The following MBOAT2 variants were observed in gnomAD, a reference collection of about 807,000 sequenced individuals.
MBOAT2 encodes the protein membrane bound glycerophospholipid O-acyltransferase 2, also known as membrane-bound glycerophospholipid O-acyltransferase 2.
A neutral mutation model predicts 63.4 loss-of-function variants in MBOAT2; 28 were observed. That is an observed-to-expected ratio of 0.44 (90% CI 0.33 to 0.61). MBOAT2 has a LOEUF of 0.61. Ranked by LOEUF, MBOAT2 falls within the 20% of genes least tolerant of loss-of-function variation. The pLI, the probability that MBOAT2 is intolerant of heterozygous loss-of-function variation, is 0.03. For synonymous variants in MBOAT2, 211 were observed against 215.6 expected (o/e 0.98, Z 0.19); for missense variants, 470 against 605.8 (o/e 0.78, Z 2.35).
At chr2:8,942,252 A>G (rs774133964) in intron 3 of MBOAT2, among the ~76,000 whole-genome samples, 5 of 152,212 alleles carry the variant, frequency 3.3e-5, no homozygotes, top group Non-Finnish European at 7.4e-5. Context: ...GACTTAGAAA[A>G]AAACTAATAA....
intron 4 of MBOAT2, among the ~76,000 whole-genome samples, chr2:8,893,346 T>G (rs1664159241): frequency 1.3e-5 from 2 of 152,176 alleles, no homozygotes. Context: ...CAAGAGGCCC[T>G]AGACAGCAGG....
At chr2:8,961,152 A>G (rs1669576547) in intron 1 of MBOAT2, among the ~76,000 whole-genome samples, 1 of 152,232 alleles carries the variant, frequency 6.6e-6, no homozygotes, top group Admixed American at 6.5e-5. Flanking sequence ...CACTCAATAG[A>G]AAACTGGGCA....
intron 3 of MBOAT2, among the ~76,000 whole-genome samples, chr2:8,909,142 C>T (rs774001790): frequency 3.9e-5 from 6 of 152,180 alleles, no homozygotes; most frequent in Non-Finnish European, 8.8e-5. Context: ...AGCATACCTT[C>T]TAAGTATGAG....
intron 1 of MBOAT2, among the ~76,000 whole-genome samples, chr2:8,992,893 C>T (rs942632929): frequency 1.3e-5 from 2 of 152,192 alleles, no homozygotes; most frequent in African/African-American, 4.8e-5. Context: ...TTCCTTTGAG[C>T]TGCTCTGGGA....
At chr2:8,905,875 A>C (rs996725884) in intron 4 of MBOAT2, among the ~76,000 whole-genome samples, 29 of 152,260 alleles carry the variant, frequency 1.9e-4, no homozygotes, top group African/African-American at 5.1e-4. Flanking sequence ...CAGGTTTTCT[A>C]TCTTTAAAAG....
chr2:8,981,385 T>C (rs1433454159), intron 1 of MBOAT2, among the ~76,000 whole-genome samples: 1 of 152,188 alleles, frequency 6.6e-6, no homozygotes, highest in Non-Finnish European at 1.5e-5. Context: ...ACATAATAAT[T>C]ATAGCTTTCA....
chr2:8,926,710 T>G (rs1035654935), intron 3 of MBOAT2, among the ~76,000 whole-genome samples: 4 of 152,054 alleles, frequency 2.6e-5, no homozygotes, highest in Non-Finnish European at 5.9e-5. Flanking sequence ...AGAGGCATGG[T>G]CAGACAGATA....
intron 10 of MBOAT2, among the ~76,000 whole-genome samples, chr2:8,863,121 A>C (rs2148509391): frequency 6.6e-6 from 1 of 152,320 alleles, no homozygotes; most frequent in South Asian, 2.1e-4. Context: ...GACTGTGCTT[A>C]GTCTACAATT....
rs1572907068 is a variant in MBOAT2, at chr2:8,862,379, CGT to C, written c.1185+209_1185+210del. 1.4e-6 allele frequency: 2 copies of C among 1,426,506 alleles called. No homozygotes were observed. Among genetic ancestry groups the C allele is most frequent in the East Asian group, 5.4e-5 (2 of 37,322 alleles). The allele number at this position is 1,426,506 out of a possible 1,614,324, so 88.4% of individuals were successfully genotyped here. On this transcript the variant is annotated intron_variant, in intron 11 of 12. Transcript: ENST00000305997. The surrounding 1 kb of genome is among the most constrained non-coding windows in gnomAD (Gnocchi z 4.3). The stretch of plus-strand genomic sequence containing the variant: ...CTCCTACCTGCCGGGCACATAGAAA[CGT>C]GTTTTCTCCTCACAGGAACTGGGCA...
intron 3 of MBOAT2, among the ~76,000 whole-genome samples, chr2:8,940,696 G>GTA (rs1299382201): frequency 4.0e-5 from 6 of 151,840 alleles, no homozygotes; most frequent in Non-Finnish European, 7.4e-5. Context: ...GTGTGTGTGT[G>GTA]TATATATATA....
rs1661588326 is a variant in MBOAT2, at chr2:8,862,842, ACTTAT to A, written c.1053-125_1053-121del. On this transcript the variant is annotated intron_variant, in intron 10 of 12. Coordinates refer to ENST00000305997, the MANE Select transcript of MBOAT2 (RefSeq NM_138799.4). The surrounding 1 kb of genome is among the most constrained non-coding windows in gnomAD (Gnocchi z 4.3). ...TAGGGTAACTAGAAAAACAAATACAACTTATCTTAGGCAATCACTTCTCTATGATC... is the reference window on the plus strand; with the variant it reads ...TAGGGTAACTAGAAAAACAAATACAACTTAGGCAATCACTTCTCTATGATC... 8.1e-7 allele frequency: 1 copy of A among 1,232,220 alleles called. No individual in the cohort carries two copies. Among genetic ancestry groups the A allele is most frequent in the South Asian group, 1.6e-5 (1 of 61,536 alleles). 76.3% of individuals were successfully genotyped at this position (1,232,220 alleles called of 1,614,324 possible).
chr2:8,932,878 C>CT (rs1667421821), intron 3 of MBOAT2, among the ~76,000 whole-genome samples: 1 of 152,170 alleles, frequency 6.6e-6, no homozygotes, highest in Admixed American at 6.5e-5. Context: ...GACTACAGAA[C>CT]GTGCACATGT....
chr2:8,882,694 C>T lies in MBOAT2; in HGVS notation c.452-129G>A. 2.5e-6 allele frequency: 2 copies of T among 801,760 alleles called. 1 individual carries two copies. The highest frequency in any genetic ancestry group is 3.2e-5 in the South Asian group (2 of 61,970). The allele number at this position is 801,760 out of a possible 1,614,324, so 49.7% of individuals were successfully genotyped here. A position where few individuals can be genotyped will look rare whatever the true frequency, so the allele number is the denominator to read the frequency against. The stretch of plus-strand genomic sequence containing the variant: ...TATATTCCTAATTTTGATATAATGA[C>T]TGTTCCTTTCCTTCTCATGGCAACA... On this transcript the variant is annotated intron_variant, in intron 5 of 12. Transcript: ENST00000305997.
Position 8,970,027 on chromosome 2 carries a change from C to T in MBOAT2, c.76-11385G>A, listed in dbSNP as rs1670329612. Among the ~76,000 whole-genome samples, 3 of 152,208 alleles carry T rather than the reference C, an allele frequency of 2.0e-5. No homozygotes were observed. In the South Asian group the frequency reaches 6.2e-4, roughly 32 times the overall value. On this transcript the variant is annotated intron_variant, in intron 1 of 12. Transcript: ENST00000305997. ...CTCTGCACCAAGTGGACCTAATAGA[C>T]ATCTAACAGAACTCTCCACCCCAAA...
At chr2:8,875,775 G>A (rs1174596861) in intron 7 of MBOAT2, among the ~76,000 whole-genome samples, 3 of 152,196 alleles carry the variant, frequency 2.0e-5, no homozygotes, top group African/African-American at 7.2e-5. Context: ...AAAACAGTCA[G>A]TGAAGAGACA....
At chr2:8,991,413 A>C (rs768328537) in intron 1 of MBOAT2, among the ~76,000 whole-genome samples, 16 of 152,356 alleles carry the variant, frequency 1.1e-4, no homozygotes, top group Middle Eastern at 3.4e-3. Flanking sequence ...ATTAACTTTC[A>C]AGATTATTTC....
At position 8,885,445 on chromosome 2, in the gene MBOAT2, C is replaced by T. The variant is rs182304426; in HGVS notation, c.451+2573G>A. Among the ~76,000 whole-genome samples, 7 of 152,172 alleles carry T rather than the reference C, an allele frequency of 4.6e-5. No individual in the cohort carries two copies. In the East Asian group the frequency reaches 1.3e-3, roughly 29 times the overall value. On this transcript the variant is annotated intron_variant, in intron 5 of 12. Transcript: ENST00000305997. ...ACATGTATGCAAATATTCCAAAACC[C>T]GAATAAATCCAAAATCGGAAACACT...
chr2:8,975,890 G>A (rs1194539215), intron 1 of MBOAT2, among the ~76,000 whole-genome samples: 1 of 151,402 alleles, frequency 6.6e-6, no homozygotes, highest in African/African-American at 2.4e-5. Context: ...TATTTGGCAT[G>A]CCTCTCTTAA....
chr2:8,944,981 TG>T (rs999770245), intron 2 of MBOAT2, among the ~76,000 whole-genome samples: 1 of 152,030 alleles, frequency 6.6e-6, no homozygotes, highest in East Asian at 1.9e-4. Flanking sequence ...TGAGGACTCT[TG>T]GGGGAAAAAA....
Sources: gnomAD v4.1 joint callset for allele counts (sites outside exome capture counted in the v4.1 genomes callset) on GRCh38, gnomAD v4.1.1 for gene constraint, Gnocchi (gnomAD v3.1) non-coding constraint, MANE v1.5 for transcripts, NCBI Gene and HGNC (gene_info 2026-07-23, HGNC 2026-07-21) for gene names.